The following KCTD20 variants were observed in gnomAD, a reference collection of about 807,000 sequenced individuals.
KCTD20 encodes the protein BTB/POZ domain-containing protein KCTD20.
Under a neutral mutation model 39.6 loss-of-function variants are expected in KCTD20, and 30 were observed. The ratio of observed to expected loss-of-function variants is 0.76; its 90% CI spans 0.57 to 1.03. The LOEUF is 1.03. KCTD20 is among the 50% of genes least tolerant of loss of function. The pLI is 0.00. For missense variants in KCTD20, 422 were observed against 522.0 expected, an observed-to-expected ratio of 0.81 and a Z score of 1.87; for synonymous variants, 162 against 180.6, an observed-to-expected ratio of 0.90 and a Z score of 0.83.
chr6:36,481,197 G>T (rs1166018455), intron 5 of KCTD20, among the ~76,000 whole-genome samples: 1 of 152,090 alleles, frequency 6.6e-6, no homozygotes, highest in Non-Finnish European at 1.5e-5. Flanking sequence ...CTCTATTATG[G>T]TACTCTAACT....
At chr6:36,486,375 A>T (rs1318298652) in intron 7 of KCTD20, among the ~76,000 whole-genome samples, 1 of 152,200 alleles carries the variant, frequency 6.6e-6, no homozygotes, top group African/African-American at 2.4e-5. Context: ...CCTTCCAGTT[A>T]ATAGCCTCTG....
intron 7 of KCTD20, among the ~76,000 whole-genome samples, chr6:36,486,392 C>CT (rs1776424718): frequency 1.3e-5 from 2 of 152,236 alleles, no homozygotes; most frequent in Non-Finnish European, 1.5e-5. Flanking sequence ...TCTGAAGCTA[C>CT]TTTGACTATT....
chr6:36,463,897 G>T (rs1461466082), intron 1 of KCTD20, among the ~76,000 whole-genome samples: 1 of 152,132 alleles, frequency 6.6e-6, no homozygotes, highest in Non-Finnish European at 1.5e-5. Flanking sequence ...AGGGAAAAAG[G>T]GGAAGGACAG....
chr6:36,459,856 CTT>C (rs1775548828), intron 1 of KCTD20, among the ~76,000 whole-genome samples: 1 of 152,204 alleles, frequency 6.6e-6, no homozygotes, highest in Non-Finnish European at 1.5e-5. Flanking sequence ...GCCTTCAACT[CTT>C]TTCTTGCTAT....
chr6:36,454,629 A>C (rs1775374421), intron 1 of KCTD20, among the ~76,000 whole-genome samples: 1 of 146,860 alleles, frequency 6.8e-6, no homozygotes, highest in African/African-American at 2.5e-5. Flanking sequence ...GGCGTGAGCC[A>C]CTGTGCCCAG....
rs2127444612 is a variant in KCTD20 at position 36,470,205 on chromosome 6, G to A, written c.108G>A (p.Leu36=). 6.2e-7 allele frequency: 1 copy of A among 1,614,054 alleles called. No individual in the cohort carries two copies. The highest frequency in any genetic ancestry group is 8.5e-7 in the Non-Finnish European group (1 of 1,179,968). ...CCCAAGAAAAAGAAGCAAACAGCCT[G>A]GCTTCATCTGGTCCTCATAATCTTA... ...AVAQEKEANS[L]ASSGPHNLTY... Residue 36 remains leucine, a synonymous_variant, in exon 2 of 8, where the codon CTG becomes CTA. Transcript: ENST00000373731.
intron 6 of KCTD20, among the ~76,000 whole-genome samples, chr6:36,482,945 CA>C (rs1193405719): frequency 0.39 from 32,065 of 82,406 alleles, 4,713 homozygotes; most frequent in East Asian, 0.54. Flanking sequence ...GACTACGTCT[CA>C]AAAAAAAAAA....
At chr6:36,457,801 G>A (rs942071109) in intron 1 of KCTD20, among the ~76,000 whole-genome samples, 1 of 152,240 alleles carries the variant, frequency 6.6e-6, no homozygotes, top group Non-Finnish European at 1.5e-5. Context: ...AGGGTTGGAA[G>A]TGATGGAAGG....
In KCTD20 at chr6:36,487,277, T is replaced by C; in HGVS notation, c.*102T>C. The C allele has an allele frequency of 8.5e-7, 1 of 1,176,418 alleles. No individual in the cohort carries two copies. 72.9% of individuals were successfully genotyped at this position (1,176,418 alleles called of 1,614,324 possible). ...TCTCACCTTGAGTAGGAGACATGCT[T>C]CTCCCCTAACCTTTTCCTTTCTGCC... On this transcript the variant is annotated 3_prime_UTR_variant, in exon 8 of 8. Coordinates refer to ENST00000373731, the MANE Select transcript of KCTD20 (RefSeq NM_173562.5).
rs771944488 is a variant in KCTD20, at chr6:36,475,044, C to T, written c.416C>T (p.Pro139Leu). Residue 139 changes from proline to leucine, a missense_variant, in exon 3 of 8, where the codon CCG becomes CTG. Coordinates refer to ENST00000373731, the MANE Select transcript of KCTD20 (RefSeq NM_173562.5). ...VVNPQIFTAH[P>L]DTMLGRMFGP... ...AATCCACAGATTTTCACTGCTCATCCGGATACCATGCTGGGAAGGTAACTG... is the reference window on the plus strand; with the variant it reads ...AATCCACAGATTTTCACTGCTCATCTGGATACCATGCTGGGAAGGTAACTG... 9.9e-6 allele frequency: 16 copies of T among 1,613,590 alleles called. No homozygotes were observed. Among genetic ancestry groups the T allele is most frequent in the Middle Eastern group, 1.6e-4 (1 of 6,084 alleles).
intron 1 of KCTD20, among the ~76,000 whole-genome samples, chr6:36,464,087 A>G (rs1775674502): frequency 6.6e-6 from 1 of 152,252 alleles, no homozygotes; most frequent in African/African-American, 2.4e-5. Context: ...ACTTTTGAAT[A>G]TAGCATGCTG....
chr6:36,471,835 T>C (rs1388079126), intron 2 of KCTD20, among the ~76,000 whole-genome samples: 5 of 151,988 alleles, frequency 3.3e-5, no homozygotes, highest in Non-Finnish European at 7.4e-5. Flanking sequence ...GAATTAGTAA[T>C]TCTGGTATCT....
chr6:36,456,960 G>A (rs539388573), intron 1 of KCTD20, among the ~76,000 whole-genome samples: 2 of 152,290 alleles, frequency 1.3e-5, no homozygotes, highest in South Asian at 4.1e-4. Flanking sequence ...ACCATGCCTG[G>A]CTAATTTTTT....
chr6:36,480,875 C>A (rs1022481673), intron 5 of KCTD20, among the ~76,000 whole-genome samples: 2 of 152,142 alleles, frequency 1.3e-5, no homozygotes, highest in African/African-American at 4.8e-5. Context: ...TTAGTGTTTG[C>A]TAAGTGCTTT....
intron 7 of KCTD20, among the ~76,000 whole-genome samples, chr6:36,485,595 G>A (rs933934834): frequency 1.2e-4 from 18 of 147,664 alleles, no homozygotes; most frequent in African/African-American, 4.0e-4. Flanking sequence ...CTGGGTTCAC[G>A]CCATTCTTCT....
chr6:36,471,057 A>C (rs57882234), intron 2 of KCTD20, among the ~76,000 whole-genome samples: 4,112 of 151,974 alleles, frequency 0.027, 194 homozygotes, highest in African/African-American at 0.092. Flanking sequence ...AGTATGAGGC[A>C]CAAGAATCGC....
intron 1 of KCTD20, among the ~76,000 whole-genome samples, chr6:36,461,066 T>A (rs1775588230): frequency 6.6e-6 from 1 of 152,082 alleles, no homozygotes. Flanking sequence ...TTAAATCAAT[T>A]AAGTTTAAGT....
At chr6:36,481,477 A>G in intron 5 of KCTD20, 85 bp from the exon 6 acceptor site, 1 of 977,204 alleles carries the variant, frequency 1.0e-6, no homozygotes, top group Non-Finnish European at 1.6e-6. Flanking sequence ...ATCAATGATA[A>G]CAGCCATTCC....
chr6:36,447,304 T>C (rs754920277), intron 1 of KCTD20, among the ~76,000 whole-genome samples: 6 of 152,212 alleles, frequency 3.9e-5, no homozygotes, highest in Non-Finnish European at 8.8e-5. Flanking sequence ...ACTGTAAGTT[T>C]TCAGGAAATG....
Sources: allele counts gnomAD v4.1 joint callset (sites outside exome capture counted in the v4.1 genomes callset), GRCh38; gene constraint gnomAD v4.1.1; transcripts MANE v1.5; gene names NCBI Gene and HGNC (gene_info 2026-07-23, HGNC 2026-07-21).